CDH8: variants seen among roughly 807,000 people sequenced by gnomAD.
CDH8 encodes cadherin-8.
A neutral mutation model predicts 68.1 loss-of-function variants in CDH8; 17 were observed. The observed-to-expected ratio is 0.25, with a 90% CI of 0.17 to 0.37. The LOEUF (loss-of-function observed/expected upper bound fraction) is 0.37, where lower values mean the gene tolerates loss of function less well. Ranked by LOEUF, CDH8 falls within the 10% of genes least tolerant of loss-of-function variation. CDH8 has a pLI of 1.00. For synonymous variants in CDH8, 372 were observed against 365.1 expected (o/e 1.02, Z -0.21); for missense variants, 763 against 999.3 (o/e 0.76, Z 3.19).
chr16:61,666,556 G>A (rs1396608052), intron 10 of CDH8, among the ~76,000 whole-genome samples: 1 of 151,980 alleles, frequency 6.6e-6, no homozygotes, highest in African/African-American at 2.4e-5. Context: ...GAAGAAAAAG[G>A]AGGCAGAGTT....
intron 6 of CDH8, among the ~76,000 whole-genome samples, chr16:61,819,358 T>A (rs1033140884): frequency 1.3e-5 from 2 of 152,076 alleles, no homozygotes; most frequent in African/African-American, 4.8e-5. Flanking sequence ...GGCTAATTGT[T>A]TCAGTTTATA....
chr16:61,755,806 T>C (rs995838666), intron 8 of CDH8, among the ~76,000 whole-genome samples: 7 of 152,154 alleles, frequency 4.6e-5, no homozygotes, highest in Admixed American at 3.3e-4. Context: ...CTTCTTCTTC[T>C]TCTCCTTCTT....
intron 3 of CDH8, among the ~76,000 whole-genome samples, chr16:61,897,284 G>A (rs768454063): frequency 5.3e-5 from 8 of 151,518 alleles, no homozygotes; most frequent in Non-Finnish European, 1.2e-4. Flanking sequence ...ACGGAGTCTC[G>A]CACTGTCTCC....
rs192536139 is a variant in CDH8 at position 61,975,828 on chromosome 16, T to C, written c.252+45324A>G. Among the ~76,000 whole-genome samples the C allele has an allele frequency of 2.2e-4, 33 of 152,202 alleles. 1 individual carries two copies. The East Asian group carries it at 6.0e-3, about 28-fold the overall frequency. The stretch of plus-strand genomic sequence containing the variant: ...CTGAACTCCTCAAGGTCACAAGGCT[T>C]GTAAGTGGAAGGACAAAAACATCTA... On this transcript the variant is annotated intron_variant, in intron 2 of 11. Transcript: ENST00000577390.
chr16:61,770,049 G>A (rs539095385), intron 8 of CDH8, among the ~76,000 whole-genome samples: 7 of 151,744 alleles, frequency 4.6e-5, no homozygotes, highest in Non-Finnish European at 1.0e-4. Context: ...CAAATCTGGT[G>A]GATTCAAACC....
chr16:61,874,169 C>T lies in CDH8; in HGVS notation c.548-16931G>A, dbSNP rs1963419629. Among the ~76,000 whole-genome samples the T allele has an allele frequency of 3.3e-5, 5 of 151,906 alleles. No homozygotes were observed. The South Asian group carries it at 1.0e-3, about 32-fold the overall frequency. ...TCATGTACCCCCAAAATATATATAC[C>T]TACTATGTACCCACAAAAAATTTTT... is the stretch of plus-strand genomic sequence containing the variant. On this transcript the variant is annotated intron_variant, in intron 3 of 11. Transcript: ENST00000577390.
chr16:61,703,495 T>C (rs1964471295), intron 10 of CDH8, among the ~76,000 whole-genome samples: 1 of 152,180 alleles, frequency 6.6e-6, no homozygotes, highest in Non-Finnish European at 1.5e-5. Flanking sequence ...TTTCAAAACA[T>C]GGCCAAAGTT....
chr16:61,900,385 C>G (rs1320006444), intron 3 of CDH8, among the ~76,000 whole-genome samples: 2 of 152,120 alleles, frequency 1.3e-5, no homozygotes, highest in Non-Finnish European at 2.9e-5. Flanking sequence ...CTTTTGTAAT[C>G]TTATACTTTG....
chr16:61,696,945 A>G (rs1299465571), intron 10 of CDH8, among the ~76,000 whole-genome samples: 1 of 152,096 alleles, frequency 6.6e-6, no homozygotes, highest in East Asian at 1.9e-4. Context: ...CACTCGGGGG[A>G]GGAAGAGGAG....
chr16:61,647,822 G>GC lies in CDH8; in HGVS notation c.*5785_*5786insG. 1.4e-6 allele frequency: 1 copy of GC among 699,700 alleles called. No individual in the cohort carries two copies. Among genetic ancestry groups the GC allele is most frequent in the Non-Finnish European group, 2.6e-6 (1 of 382,886 alleles). 43.3% of individuals were successfully genotyped at this position (699,700 alleles called of 1,614,324 possible). A position where few individuals can be genotyped will look rare whatever the true frequency, so the allele number is the denominator to read the frequency against. ...GACCTCTGAGTTCATTGAAGCCATGGTTTTCCACAGTCTTTCTCTTCAGAC... is the reference window on the plus strand; with the variant it reads ...GACCTCTGAGTTCATTGAAGCCATGGCTTTTCCACAGTCTTTCTCTTCAGAC... On this transcript the variant is annotated 3_prime_UTR_variant, in exon 12 of 12. Coordinates refer to ENST00000577390, the MANE Select transcript of CDH8 (RefSeq NM_001796.5).
rs550668541 is a variant in CDH8 at position 61,751,045 on chromosome 16, G to C, written c.1415-23830C>G. Among the ~76,000 whole-genome samples, 12 of 152,082 alleles carry C rather than the reference G, an allele frequency of 7.9e-5. No homozygotes were observed. The South Asian group carries it at 2.5e-3, about 32-fold the overall frequency. ...GGTTAACATAGAAAATAAAAGCAAAGGAAGGGAAGAGAAAAAAGAAGCTAA... is the reference window on the plus strand; with the variant it reads ...GGTTAACATAGAAAATAAAAGCAAACGAAGGGAAGAGAAAAAAGAAGCTAA... On this transcript the variant is annotated intron_variant, in intron 8 of 11. Coordinates refer to ENST00000577390, the MANE Select transcript of CDH8 (RefSeq NM_001796.5).
At chr16:61,769,327 A>C (rs1960718832) in intron 8 of CDH8, among the ~76,000 whole-genome samples, 1 of 151,874 alleles carries the variant, frequency 6.6e-6, no homozygotes, top group Non-Finnish European at 1.5e-5. Flanking sequence ...TTTAAGACTA[A>C]TTACTATGTT....
chr16:61,835,789 G>C (rs2143006076), intron 4 of CDH8, among the ~76,000 whole-genome samples: 1 of 152,008 alleles, frequency 6.6e-6, no homozygotes, highest in South Asian at 2.1e-4. Context: ...AAAGCAAAGT[G>C]AAAGTCACTA....
chr16:61,970,614 T>G (rs1467410437), intron 2 of CDH8, among the ~76,000 whole-genome samples: 5 of 152,258 alleles, frequency 3.3e-5, no homozygotes, highest in African/African-American at 1.2e-4. Flanking sequence ...AGAACGCTTC[T>G]GTGACCAAAT....
intron 8 of CDH8, among the ~76,000 whole-genome samples, chr16:61,730,307 G>C (rs1596908603): frequency 6.6e-6 from 1 of 151,418 alleles, no homozygotes; most frequent in East Asian, 1.9e-4. Flanking sequence ...CTGGGGCCCA[G>C]TGCAAAATAC....
At chr16:61,655,745 A>G (rs751936754) in intron 10 of CDH8, 24 bp from the exon 11 acceptor site, 1 of 1,604,868 alleles carries the variant, frequency 6.2e-7, no homozygotes, top group Non-Finnish European at 8.5e-7. Context: ...AAATTACAAT[A>G]ATTTGCATCA....
intron 2 of CDH8, 101 bp from the exon 3 acceptor site, chr16:61,901,574 A>G: frequency 1.3e-6 from 1 of 767,070 alleles, no homozygotes; most frequent in Non-Finnish European, 2.1e-6. Flanking sequence ...TTTACATAAC[A>G]TCATCAATTT....
At chr16:61,922,017 C>G (rs1337417296) in intron 2 of CDH8, among the ~76,000 whole-genome samples, 2 of 150,842 alleles carry the variant, frequency 1.3e-5, no homozygotes, top group Non-Finnish European at 2.9e-5. Flanking sequence ...GGCGACAGAG[C>G]AAGCCTGGGG....
intron 10 of CDH8, among the ~76,000 whole-genome samples, chr16:61,665,752 T>TTTCCTTCCTTCC (rs35414891): frequency 0.11 from 10,779 of 99,476 alleles, 820 homozygotes; most frequent in Non-Finnish European, 0.12. Flanking sequence ...CTGAATTTAT[T>TTTCCTTCCTTCC]TTCCTTCCTT....
Sources: allele counts gnomAD v4.1 joint callset (sites outside exome capture counted in the v4.1 genomes callset), GRCh38; gene constraint gnomAD v4.1.1; transcripts MANE v1.5; gene names NCBI Gene and HGNC (gene_info 2026-07-23, HGNC 2026-07-21).